Variants in COX20 observed in about 807,000 individuals in gnomAD.
COX20 encodes cytochrome c oxidase assembly factor COX20.
COX20 carries 14 observed loss-of-function variants against 14.3 expected under a neutral mutation model. That is an observed-to-expected ratio of 0.98 (90% CI 0.65 to 1.53). The LOEUF (loss-of-function observed/expected upper bound fraction) is 1.53, where lower values mean the gene tolerates loss of function less well. Ranked by LOEUF, COX20 falls within the 40% of genes most tolerant of loss-of-function variation. The pLI, the probability that COX20 is intolerant of heterozygous loss-of-function variation, is 0.00. For synonymous variants in COX20, 56 were observed against 51.7 expected (o/e 1.08, Z -0.36); for missense variants, 149 against 142.1 (o/e 1.05, Z -0.25).
At chr1:244,836,287 A>G (rs1410711497) in intron 1 of COX20, among the ~76,000 whole-genome samples, 2 of 152,050 alleles carry the variant, frequency 1.3e-5, no homozygotes, top group Admixed American at 6.6e-5. Flanking sequence ...ACCTTCCACT[A>G]TTGTCCGCTG....
chr1:244,843,274 A>G lies in COX20; in HGVS notation c.*98A>G. 1 of 1,389,660 alleles carries G rather than the reference A, an allele frequency of 7.2e-7. No individual in the cohort carries two copies. The highest frequency in any genetic ancestry group is 9.7e-7 in the Non-Finnish European group (1 of 1,025,702). 86.1% of individuals were successfully genotyped at this position (1,389,660 alleles called of 1,614,324 possible). ...CTCTCAATCAAGTAAATAAAGTTTAAGTTGTAGTCATTTTTTTCCCACACT... is the reference window on the plus strand; with the variant it reads ...CTCTCAATCAAGTAAATAAAGTTTAGGTTGTAGTCATTTTTTTCCCACACT... On this transcript the variant is annotated 3_prime_UTR_variant, in exon 4 of 4. Coordinates refer to ENST00000411948, the MANE Select transcript of COX20 (RefSeq NM_198076.6).
chr1:244,842,203 A>G lies in COX20; in HGVS notation c.166A>G (p.Arg56Gly), dbSNP rs1680234215. ...FGHFLFTSRI[R>G]RSCDVGVGGF... ...TATGCTTATTTTTACAGGTAGAATT[A>G]GAAGATCATGTGATGTTGGAGTAGG... is the stretch of plus-strand genomic sequence containing the variant. Residue 56 changes from arginine (R) to glycine (G), a missense_variant, in exon 3 of 4, where the codon AGA becomes GGA. Arg to Gly is a moderately radical substitution (Grantham distance 125). Coordinates refer to ENST00000411948, the MANE Select transcript of COX20 (RefSeq NM_198076.6). The G allele has an allele frequency of 6.2e-7, 1 of 1,604,532 alleles. No individual in the cohort carries two copies. Among genetic ancestry groups the G allele is most frequent in the African/African-American group, 1.3e-5 (1 of 74,698 alleles).
At position 244,842,252 on chromosome 1, in the gene COX20, G is replaced by A. The variant is rs150986193; in HGVS notation, c.215G>A (p.Gly72Glu). Residue 72 changes from glycine to glutamate, a missense_variant, in exon 3 of 4, where the codon GGA becomes GAA. By Grantham distance (98) the Gly-to-Glu change is moderately conservative (BLOSUM62 -2). Coordinates refer to ENST00000411948, the MANE Select transcript of COX20 (RefSeq NM_198076.6). ...GVGGFILVTL[G>E]CWFHCRYNYA... is the part of the protein sequence containing the mutation. ...GGAGGGTTTATCTTGGTGACTTTGG[G>A]ATGCTGGTATGTTTGCTAAGTATTC... is the stretch of plus-strand genomic sequence containing the variant. 1 of 1,601,982 alleles carries A rather than the reference G, an allele frequency of 6.2e-7. No individual in the cohort carries two copies. Among genetic ancestry groups the A allele is most frequent in the Non-Finnish European group, 8.6e-7 (1 of 1,169,190 alleles).
intron 1 of COX20, 191 bp from the exon 2 acceptor site, chr1:244,841,753 G>A (rs1015972681): frequency 1.2e-4 from 64 of 515,062 alleles, no homozygotes; most frequent in Middle Eastern, 5.2e-4. Flanking sequence ...TAAGGTTTTC[G>A]GATTTAAAGA....
chr1:244,842,229 AGGGT>A lies in COX20; in HGVS notation c.193_196del (p.Gly65LeufsTer4), dbSNP rs777548314. On this transcript the variant is annotated frameshift_variant, in exon 3 of 4. Coordinates refer to ENST00000411948, the MANE Select transcript of COX20 (RefSeq NM_198076.6). LOFTEE classifies it high-confidence loss of function. ...GAAGATCATGTGATGTTGGAGTAGG[AGGGT>A]TTATCTTGGTGACTTTGGGATGCTG... 1.9e-6 allele frequency: 3 copies of A among 1,609,442 alleles called. No homozygotes were observed. Among genetic ancestry groups the A allele is most frequent in the Non-Finnish European group, 2.6e-6 (3 of 1,176,036 alleles).
In COX20 at chr1:244,842,184, T is replaced by G. The variant is rs1350700054; in HGVS notation, c.158-11T>G. 6.3e-7 allele frequency: 1 copy of G among 1,583,524 alleles called. No individual in the cohort carries two copies. The highest frequency in any genetic ancestry group is 8.7e-7 in the Non-Finnish European group (1 of 1,154,750). ...TTATATTCTAATTAATTGTTATGCT[T>G]ATTTTTACAGGTAGAATTAGAAGAT... On this transcript the variant is annotated splice_polypyrimidine_tract_variant and intron_variant, in intron 2 of 3. Coordinates refer to ENST00000411948, the MANE Select transcript of COX20 (RefSeq NM_198076.6).
chr1:244,835,736 G>A lies in COX20; in HGVS notation c.22G>A (p.Gly8Ser), dbSNP rs961642913. 2 of 1,274,654 alleles carry A rather than the reference G, an allele frequency of 1.6e-6. No homozygotes were observed. Among genetic ancestry groups the A allele is most frequent in the Admixed American group, 7.4e-5 (2 of 27,048 alleles). 79.0% of individuals were successfully genotyped at this position (1,274,654 alleles called of 1,614,324 possible). The change falls in exon 1 of 4, where the codon GGT becomes AGT. Residue 8 changes from glycine to serine, a missense_variant. By Grantham distance (56) the Gly-to-Ser change is moderately conservative. Transcript: ENST00000411948. ...CCTCATGGCCGCCCCGCCGGAGCCC[G>A]GTGAGCCCGAGGAGAGGAAGGTAAC... is the stretch of plus-strand genomic sequence containing the variant. MAAPPEP[G>S]EPEERKSLKL...
intron 1 of COX20, chr1:244,841,147 TAGAA>T (rs1680184141): frequency 6.6e-6 from 1 of 152,204 alleles, no homozygotes; most frequent in Admixed American, 6.6e-5. Context: ...ATGAAGACTG[TAGAA>T]AAAGAATTTT....
chr1:244,841,258 G>A (rs1229960912), intron 1 of COX20: 3 of 152,168 alleles, frequency 2.0e-5, no homozygotes, highest in Admixed American at 6.6e-5. Context: ...AAAAGTTAGC[G>A]GCAGATCTGA....
intron 1 of COX20, 31 bp downstream of exon 1, chr1:244,835,787 C>A: frequency 8.1e-7 from 1 of 1,234,376 alleles, no homozygotes; most frequent in Non-Finnish European, 1.0e-6. Context: ...GCGCGCGCCG[C>A]GGGTGGGCGG....
rs1464848315 is a variant in COX20, at chr1:244,844,341, T to TG, written c.*1166dup. The TG allele has an allele frequency of 1.3e-5, 2 of 152,192 alleles. No homozygotes were observed. Among genetic ancestry groups the TG allele is most frequent in the Non-Finnish European group, 2.9e-5 (2 of 68,026 alleles). 9.4% of individuals were successfully genotyped at this position (152,192 alleles called of 1,614,324 possible). On this transcript the variant is annotated 3_prime_UTR_variant, in exon 4 of 4. Transcript: ENST00000411948. ...CCTTAACTTAGCAGTGAATGACAAC[T>TG]GTCAAACACATGTTGAGGGAAAATT...
At chr1:244,842,099 A>C (rs751717396) in intron 2 of COX20, 41 bp downstream of exon 2, 1 of 1,522,588 alleles carries the variant, frequency 6.6e-7, no homozygotes, top group African/African-American at 1.4e-5. Context: ...TACTAAAAAA[A>C]GCATTTCTCT....
At chr1:244,835,566 G>C (rs900393391), upstream of COX20, 5 of 493,966 alleles carry the variant, frequency 1.0e-5, no homozygotes, top group South Asian at 2.9e-4. Flanking sequence ...CGGAGCGTTA[G>C]GAACATTCCC....
upstream of COX20, chr1:244,835,537 C>A: frequency 2.5e-6 from 1 of 407,392 alleles, no homozygotes; most frequent in Non-Finnish European, 4.2e-6. Context: ...CATGACAGCC[C>A]GGCCCCGTGC....
chr1:244,842,122 A>G (rs2102975471), intron 2 of COX20, 64 bp downstream of exon 2: 2 of 1,464,048 alleles, frequency 1.4e-6, no homozygotes, highest in Non-Finnish European at 1.9e-6. Context: ...ATAATGAACT[A>G]TTTTTTTTTC....
In COX20 at chr1:244,843,208, A is replaced by G; in HGVS notation, c.*32A>G. On this transcript the variant is annotated 3_prime_UTR_variant, in exon 4 of 4. Transcript: ENST00000411948. Reference sequence around the variant, plus strand: ...TTGAGCATAGAAGTCAATGTAAACGAAGTTAAGATCAACCACATAAAACAT... The same window carrying G: ...TTGAGCATAGAAGTCAATGTAAACGGAGTTAAGATCAACCACATAAAACAT... 6.5e-7 allele frequency: 1 copy of G among 1,529,314 alleles called. No individual in the cohort carries two copies. Among genetic ancestry groups the G allele is most frequent in the Non-Finnish European group, 8.8e-7 (1 of 1,139,658 alleles). 94.7% of individuals were successfully genotyped at this position (1,529,314 alleles called of 1,614,324 possible). A position where few individuals can be genotyped will look rare whatever the true frequency, so the allele number is the denominator to read the frequency against.
intron 1 of COX20, 122 bp downstream of exon 1, chr1:244,835,878 A>T: frequency 1.4e-6 from 1 of 691,626 alleles, no homozygotes. Context: ...GCTTGAAACT[A>T]TTTTAACTGT....
intron 1 of COX20, among the ~76,000 whole-genome samples, chr1:244,838,690 T>A (rs1680077856): frequency 6.6e-6 from 1 of 152,010 alleles, no homozygotes. Context: ...AAAGGGAGAA[T>A]GGGAGGTTTT....
upstream of COX20, chr1:244,835,489 C>T (rs1573305624): frequency 2.6e-6 from 1 of 386,152 alleles, no homozygotes. Context: ...GTGTGCCGAG[C>T]TTGGAAGAAA....
Sources: gnomAD v4.1 joint callset for allele counts (sites outside exome capture counted in the v4.1 genomes callset) on GRCh38, gnomAD v4.1.1 for gene constraint, MANE v1.5 for transcripts, NCBI Gene and HGNC (gene_info 2026-07-23, HGNC 2026-07-21) for gene names.